Variants in RBFOX1 observed in about 807,000 individuals in gnomAD.
The protein encoded by RBFOX1 is RNA binding fox-1 homolog 1.
RBFOX1 carries 8 observed loss-of-function variants against 57.7 expected under a neutral mutation model. The ratio of observed to expected loss-of-function variants is 0.14; its 90% CI spans 0.08 to 0.25. The LOEUF (loss-of-function observed/expected upper bound fraction) is 0.25. Among genes scored for constraint, RBFOX1 ranks in the 10% least tolerant of loss-of-function variants. RBFOX1 has a pLI of 1.00. For synonymous variants in RBFOX1, 326 were observed against 222.4 expected (o/e 1.47, Z -4.15); for missense variants, 611 against 548.5 (o/e 1.11, Z -1.14).
At chr16:5,611,601 A>G (rs1333738561) in intron 3 of RBFOX1, among the ~76,000 whole-genome samples, 3 of 152,112 alleles carry the variant, frequency 2.0e-5, no homozygotes, top group Non-Finnish European at 4.4e-5. Context: ...CAGTATCAAC[A>G]AAAACTAGTG....
At chr16:6,904,599 TAAAAAAA>T (rs71147623) in intron 3 of RBFOX1, among the ~76,000 whole-genome samples, 29 of 64,040 alleles carry the variant, frequency 4.5e-4, no homozygotes, top group African/African-American at 1.5e-3. Context: ...AGACTCTCTC[TAAAAAAA>T]AAAAAAAAAA....
intron 3 of RBFOX1, among the ~76,000 whole-genome samples, chr16:6,978,253 G>A (rs1456093338): frequency 2.0e-5 from 3 of 152,140 alleles, no homozygotes; most frequent in Non-Finnish European, 4.4e-5. Context: ...CTTGGAGAGC[G>A]TGGCTTTGTA....
At chr16:5,387,746 G>T (rs1217392100) in intron 1 of RBFOX1, among the ~76,000 whole-genome samples, 1 of 152,220 alleles carries the variant, frequency 6.6e-6, no homozygotes, top group African/African-American at 2.4e-5. Flanking sequence ...GCAACCTGTG[G>T]ATATGTTACG....
chr16:6,723,745 T>G (rs992450408), intron 3 of RBFOX1: 9 of 152,180 alleles, frequency 5.9e-5, no homozygotes, highest in Admixed American at 5.9e-4. Flanking sequence ...TTTTTTTTCT[T>G]TGCAGTTAGA....
chr16:7,710,342 C>T (rs2083800884), intron 15 of RBFOX1: 1 of 1,256,580 alleles, frequency 8.0e-7, no homozygotes, highest in African/African-American at 1.6e-5. Context: ...AAAAATGAGA[C>T]AGTGAAAATC....
chr16:7,634,672 T>C (rs1293136638), intron 11 of RBFOX1, among the ~76,000 whole-genome samples: 1 of 152,210 alleles, frequency 6.6e-6, no homozygotes, highest in Non-Finnish European at 1.5e-5. Flanking sequence ...TCCATACAAC[T>C]AATTCCGTAG....
intron 2 of RBFOX1, among the ~76,000 whole-genome samples, chr16:6,574,521 A>T (rs1298312599): frequency 7.3e-6 from 1 of 137,444 alleles, no homozygotes; most frequent in Non-Finnish European, 1.5e-5. Flanking sequence ...CTCCGCTTCC[A>T]GGGTTCACGC....
chr16:5,433,252 C>T (rs937006961), intron 1 of RBFOX1, among the ~76,000 whole-genome samples: 5 of 152,148 alleles, frequency 3.3e-5, no homozygotes, highest in African/African-American at 1.2e-4. Flanking sequence ...AGTTTGTGGA[C>T]ATCTTGAAAG....
intron 3 of RBFOX1, among the ~76,000 whole-genome samples, chr16:5,732,444 T>C (rs181419563): frequency 1.3e-3 from 201 of 152,282 alleles, no homozygotes; most frequent in African/African-American, 4.4e-3. Flanking sequence ...TCCAAGAGAT[T>C]CAAACTGCAG....
chr16:5,706,451 G>A (rs757353811), intron 3 of RBFOX1, among the ~76,000 whole-genome samples: 32 of 152,104 alleles, frequency 2.1e-4, no homozygotes, highest in Non-Finnish European at 4.4e-4. Flanking sequence ...GTGCTCCCCC[G>A]TCATTTATGC....
chr16:7,008,531 C>G (rs894571884), intron 3 of RBFOX1, among the ~76,000 whole-genome samples: 3 of 151,840 alleles, frequency 2.0e-5, no homozygotes, highest in East Asian at 1.9e-4. Flanking sequence ...CAGGGCAAGA[C>G]TTTGTCTCAA....
intron 1 of RBFOX1, among the ~76,000 whole-genome samples, chr16:6,250,018 G>T (rs755204036): frequency 1.3e-5 from 2 of 152,054 alleles, no homozygotes; most frequent in African/African-American, 4.8e-5. Context: ...CCAAAAGGAG[G>T]TTCTTGCAGC....
chr16:6,382,511 C>A (rs1200649131), intron 2 of RBFOX1, among the ~76,000 whole-genome samples: 1 of 152,154 alleles, frequency 6.6e-6, no homozygotes, highest in African/African-American at 2.4e-5. Flanking sequence ...CTCTTTGGGC[C>A]TCAGCTGTCC....
chr16:5,500,381 C>T (rs1447295338), intron 2 of RBFOX1, among the ~76,000 whole-genome samples: 2 of 151,946 alleles, frequency 1.3e-5, no homozygotes, highest in Admixed American at 1.3e-4. Context: ...CAGTACCATG[C>T]CTGGCTAATT....
chr16:5,547,116 A>C (rs1221928305), intron 2 of RBFOX1, among the ~76,000 whole-genome samples: 26 of 152,220 alleles, frequency 1.7e-4, no homozygotes. Flanking sequence ...CTTGGCAAGG[A>C]TGAAGAGAAG....
At chr16:5,315,410 A>G (rs1217470188) in intron 1 of RBFOX1, among the ~76,000 whole-genome samples, 1 of 152,222 alleles carries the variant, frequency 6.6e-6, no homozygotes, top group African/African-American at 2.4e-5. Context: ...ATCTAAATCA[A>G]CAGTGAAAAA....
chr16:6,430,432 G>T (rs1403024044), intron 2 of RBFOX1, among the ~76,000 whole-genome samples: 2 of 152,230 alleles, frequency 1.3e-5, no homozygotes, highest in Non-Finnish European at 2.9e-5. Flanking sequence ...ATTCTTCATG[G>T]AAAAGATGAT....
chr16:5,678,065 T>A (rs1043883526), intron 3 of RBFOX1, among the ~76,000 whole-genome samples: 3 of 152,212 alleles, frequency 2.0e-5, no homozygotes, highest in African/African-American at 7.2e-5. Flanking sequence ...ATTGTGTTGG[T>A]GTCGATGAAT....
intron 2 of RBFOX1, among the ~76,000 whole-genome samples, chr16:6,566,493 C>G (rs367993069): frequency 6.6e-6 from 1 of 152,108 alleles, no homozygotes; most frequent in Non-Finnish European, 1.5e-5. Flanking sequence ...TCTACAGAGA[C>G]TTTGTCATTA....
Sources: allele counts gnomAD v4.1 joint callset (sites outside exome capture counted in the v4.1 genomes callset), GRCh38; gene constraint gnomAD v4.1.1; transcripts MANE v1.5; gene names NCBI Gene and HGNC (gene_info 2026-07-23, HGNC 2026-07-21).